Variants in RSPO2 observed in about 807,000 individuals in gnomAD.
RSPO2 encodes R-spondin 2.
A neutral mutation model predicts 30.9 loss-of-function variants in RSPO2; 14 were observed. The observed-to-expected ratio is 0.45, with a 90% CI of 0.30 to 0.71. The LOEUF is 0.71. RSPO2 is among the 30% of genes least tolerant of loss of function. The probability of loss-of-function intolerance (pLI) is 0.08; values close to 1 mark genes in which losing one functional copy is unlikely to be tolerated. For missense variants in RSPO2, 264 were observed against 301.9 expected (o/e 0.87, Z 0.93); for synonymous variants, 107 against 96.4 (o/e 1.11, Z -0.64).
At chr8:108,061,428 G>C (rs1812460270) in intron 2 of RSPO2, among the ~76,000 whole-genome samples, 1 of 151,746 alleles carries the variant, frequency 6.6e-6, no homozygotes, top group African/African-American at 2.4e-5. Flanking sequence ...AAGATCAAAA[G>C]AGACAAAGAA....
intron 2 of RSPO2, among the ~76,000 whole-genome samples, chr8:108,061,021 G>A (rs1215445093): frequency 1.3e-5 from 2 of 151,746 alleles, no homozygotes; most frequent in Non-Finnish European, 2.9e-5. Flanking sequence ...CCCTAAAAGA[G>A]CTCCTGAAGG....
At chr8:107,929,709 T>C (rs1457912155) in intron 5 of RSPO2, among the ~76,000 whole-genome samples, 1 of 152,198 alleles carries the variant, frequency 6.6e-6, no homozygotes. Context: ...TAGAACTATC[T>C]AGTATATATT....
At chr8:107,959,392 G>T (rs949940747) in intron 4 of RSPO2, among the ~76,000 whole-genome samples, 2 of 152,154 alleles carry the variant, frequency 1.3e-5, no homozygotes, top group African/African-American at 2.4e-5. Flanking sequence ...TCCCAGGGGA[G>T]GGAGAGGAGG....
chr8:107,980,677 T>G (rs1586597970), intron 3 of RSPO2, among the ~76,000 whole-genome samples: 1 of 152,184 alleles, frequency 6.6e-6, no homozygotes, highest in Admixed American at 6.5e-5. Context: ...TCACCCCTCA[T>G]GCTCATGCAT....
chr8:107,957,919 A>G (rs776732655), intron 5 of RSPO2, among the ~76,000 whole-genome samples, 161 bp downstream of exon 5: 1 of 152,240 alleles, frequency 6.6e-6, no homozygotes, highest in African/African-American at 2.4e-5. Flanking sequence ...TTCACAACTG[A>G]AGCATTTGTT....
intron 3 of RSPO2, among the ~76,000 whole-genome samples, chr8:107,966,218 T>C (rs572856083): frequency 6.6e-6 from 1 of 152,332 alleles, no homozygotes; most frequent in South Asian, 2.1e-4. Context: ...GGGTTTGGTC[T>C]GACTAGCAGT....
At chr8:107,952,658 T>C (rs569273788) in intron 5 of RSPO2, among the ~76,000 whole-genome samples, 2 of 152,230 alleles carry the variant, frequency 1.3e-5, no homozygotes, top group Non-Finnish European at 2.9e-5. Flanking sequence ...CATCGCATAT[T>C]TTCTTGACCC....
chr8:107,994,899 A>G (rs958975607), intron 2 of RSPO2, among the ~76,000 whole-genome samples: 7 of 152,134 alleles, frequency 4.6e-5, no homozygotes, highest in Non-Finnish European at 8.8e-5. Context: ...TTCCTTTATT[A>G]TAACAATTTA....
intron 2 of RSPO2, among the ~76,000 whole-genome samples, chr8:108,060,048 G>A (rs907879185): frequency 6.6e-6 from 1 of 151,460 alleles, no homozygotes; most frequent in African/African-American, 2.4e-5. Context: ...AATACCAGGG[G>A]GTGGTTCCAA....
At chr8:108,036,018 T>C (rs1811585164) in intron 2 of RSPO2, among the ~76,000 whole-genome samples, 1 of 152,000 alleles carries the variant, frequency 6.6e-6, no homozygotes, top group African/African-American at 2.4e-5. Flanking sequence ...GTCCTCCAAG[T>C]ATTAGACAGC....
At chr8:107,930,529 A>G (rs489422) in intron 5 of RSPO2, among the ~76,000 whole-genome samples, 100,161 of 152,064 alleles carry the variant, frequency 0.66, 35,182 homozygotes, top group East Asian at 0.9. Context: ...TCATTCATCT[A>G]ACCTTTGTTA....
chr8:108,037,823 C>A (rs889812801), intron 2 of RSPO2, among the ~76,000 whole-genome samples: 4 of 152,162 alleles, frequency 2.6e-5, no homozygotes, highest in Non-Finnish European at 2.9e-5. Flanking sequence ...TGACAGCACA[C>A]CTGTTTACAG....
intron 2 of RSPO2, among the ~76,000 whole-genome samples, chr8:108,060,157 G>C (rs7835861): frequency 0.22 from 32,836 of 151,576 alleles, 3,880 homozygotes; most frequent in East Asian, 0.43. Context: ...ACAGCTCCTC[G>C]CCAGCAATGG....
chr8:107,929,782 C>T (rs1024491488), intron 5 of RSPO2, among the ~76,000 whole-genome samples: 1 of 152,102 alleles, frequency 6.6e-6, no homozygotes, highest in Non-Finnish European at 1.5e-5. Context: ...TCTATTTCTT[C>T]CACCTATCCA....
At chr8:107,993,209 A>G (rs942285383) in intron 2 of RSPO2, among the ~76,000 whole-genome samples, 1 of 152,222 alleles carries the variant, frequency 6.6e-6, no homozygotes, top group Admixed American at 6.5e-5. Flanking sequence ...AAATGTAATT[A>G]CTATAACTTT....
intron 5 of RSPO2, among the ~76,000 whole-genome samples, chr8:107,921,614 G>T (rs1391712674): frequency 6.6e-6 from 1 of 151,802 alleles, no homozygotes; most frequent in Admixed American, 6.6e-5. Flanking sequence ...TAATTCTATG[G>T]GGCCAGCACC....
intron 2 of RSPO2, among the ~76,000 whole-genome samples, chr8:108,077,090 C>A (rs1389160748): frequency 6.6e-6 from 1 of 152,182 alleles, no homozygotes; most frequent in Admixed American, 6.5e-5. Context: ...GTACCTTCCA[C>A]TCAATTTCGC....
At chr8:107,990,105 A>G (rs944293995) in intron 2 of RSPO2, among the ~76,000 whole-genome samples, 2 of 152,218 alleles carry the variant, frequency 1.3e-5, no homozygotes, top group African/African-American at 4.8e-5. Flanking sequence ...AAAAAGCAAG[A>G]ATGTGCACAT....
intron 2 of RSPO2, among the ~76,000 whole-genome samples, chr8:108,049,528 A>C (rs1812015769): frequency 6.6e-6 from 1 of 151,528 alleles, no homozygotes; most frequent in South Asian, 2.1e-4. Context: ...GGCATTAGGT[A>C]TTTGTCCTCA....
Sources: gnomAD v4.1 joint callset for allele counts (sites outside exome capture counted in the v4.1 genomes callset) on GRCh38, gnomAD v4.1.1 for gene constraint, MANE v1.5 for transcripts, NCBI Gene and HGNC (gene_info 2026-07-23, HGNC 2026-07-21) for gene names.